The following AFF3 variants were observed in gnomAD, a reference collection of about 807,000 sequenced individuals.
AFF3 encodes AF4/FMR2 family member 3.
In AFF3, 32 loss-of-function variants were observed where a neutral mutation model predicts 129.7. The observed-to-expected ratio is 0.25, with a 90% CI of 0.19 to 0.33. The LOEUF is 0.33. AFF3 is among the 10% of genes least tolerant of loss of function. The probability of loss-of-function intolerance (pLI) is 1.00; values close to 1 mark genes in which losing one functional copy is unlikely to be tolerated. For missense variants in AFF3, 1,373 were observed against 1,592.0 expected, an observed-to-expected ratio of 0.86 and a Z score of 2.34; for synonymous variants, 644 against 635.4, an observed-to-expected ratio of 1.01 and a Z score of -0.20.
intron 7 of AFF3, among the ~76,000 whole-genome samples, chr2:99,943,116 T>A (rs1417383805): frequency 6.6e-6 from 1 of 152,166 alleles, no homozygotes; most frequent in Non-Finnish European, 1.5e-5. Context: ...GTTTGCCCAG[T>A]ACCACAGTTC....
intron 7 of AFF3, among the ~76,000 whole-genome samples, chr2:99,948,525 A>C (rs895543802): frequency 6.6e-6 from 1 of 152,216 alleles, no homozygotes; most frequent in Non-Finnish European, 1.5e-5. Context: ...GAGAAACTCA[A>C]AGGAGGAAGG....
At chr2:99,714,776 A>G (rs1242665365) in intron 11 of AFF3, among the ~76,000 whole-genome samples, 1 of 152,228 alleles carries the variant, frequency 6.6e-6, no homozygotes, top group East Asian at 1.9e-4. Context: ...TTATATGTTT[A>G]GCACACAATT....
intron 8 of AFF3, among the ~76,000 whole-genome samples, chr2:99,799,539 T>C (rs1685782908): frequency 6.6e-6 from 1 of 152,084 alleles, no homozygotes; most frequent in Admixed American, 6.5e-5. Flanking sequence ...AGATGCCAAT[T>C]CTTTCTAAAT....
intron 7 of AFF3, among the ~76,000 whole-genome samples, chr2:99,852,882 A>C (rs1186494351): frequency 6.6e-6 from 1 of 152,206 alleles, no homozygotes; most frequent in African/African-American, 2.4e-5. Flanking sequence ...AAATACAACA[A>C]CGTAAATTTC....
chr2:99,826,469 C>T (rs963652302), intron 8 of AFF3, among the ~76,000 whole-genome samples: 9 of 152,198 alleles, frequency 5.9e-5, no homozygotes, highest in African/African-American at 2.2e-4. Flanking sequence ...GAAGAGGAAC[C>T]TCTAACTCAG....
At chr2:99,830,858 G>C (rs980334076) in intron 8 of AFF3, among the ~76,000 whole-genome samples, 6 of 152,238 alleles carry the variant, frequency 3.9e-5, no homozygotes, top group African/African-American at 1.4e-4. Flanking sequence ...TTGTAGACTT[G>C]AAGATTTGTA....
chr2:99,716,521 C>T (rs1678400688), intron 11 of AFF3, among the ~76,000 whole-genome samples: 1 of 151,708 alleles, frequency 6.6e-6, no homozygotes, highest in Admixed American at 6.6e-5. Context: ...AGAGTTGTAC[C>T]TTGTTAAGGT....
chr2:99,911,474 G>A (rs970833974), intron 7 of AFF3, among the ~76,000 whole-genome samples: 2 of 152,116 alleles, frequency 1.3e-5, no homozygotes, highest in African/African-American at 4.8e-5. Context: ...TGCTGTCGCA[G>A]GTTCTGACCC....
rs1432137309 is a variant in AFF3 at position 100,006,938 on chromosome 2, C to T, written c.567G>A (p.Val189=). 1.4e-5 allele frequency: 22 copies of T among 1,614,214 alleles called. No individual in the cohort carries two copies. Among genetic ancestry groups the T allele is most frequent in the Non-Finnish European group, 1.9e-5 (22 of 1,180,050 alleles). ...TCTCCTGGGTCTGAAGGCCCACCTC[C>T]ACATTGCACACTTGTTTGGCCCGAG... ...QQPRAKQVCN[V]EVGLQTQERP... is the part of the protein sequence containing the mutation. Residue 189 remains valine, a synonymous_variant, in exon 7 of 25, where the codon GTG becomes GTA. Transcript: ENST00000672756.
In AFF3 at chr2:100,007,262, T is replaced by G. The variant is rs140526847; in HGVS notation, c.373A>C (p.Ile125Leu). ...DSRAQNQPSS[I>L]CSTTTSTPAA... ...GGTGTGGAAGTTGTAGTGCTACAGA[T>G]AGACGAGGGCTGGTTCTGGGCTCTT... Residue 125 changes from isoleucine to leucine, a missense_variant, in exon 6 of 25, where the codon ATC (isoleucine) becomes CTC (leucine). Transcript: ENST00000672756. 1.9e-6 allele frequency: 3 copies of G among 1,613,984 alleles called. No individual in the cohort carries two copies. Among genetic ancestry groups the G allele is most frequent in the Non-Finnish European group, 2.5e-6 (3 of 1,180,026 alleles).
At chr2:100,064,344 G>C (rs1220107654) in intron 4 of AFF3, among the ~76,000 whole-genome samples, 2 of 152,140 alleles carry the variant, frequency 1.3e-5, no homozygotes, top group East Asian at 3.9e-4. Context: ...CGGGTGGGGA[G>C]AGTATCAATA....
At chr2:99,966,827 A>C (rs1677830446) in intron 7 of AFF3, among the ~76,000 whole-genome samples, 1 of 151,924 alleles carries the variant, frequency 6.6e-6, no homozygotes, top group South Asian at 2.1e-4. Context: ...TGAGGAAAAT[A>C]ATTGATTCTG....
chr2:99,593,931 G>A lies in AFF3; in HGVS notation c.1730C>T (p.Ala577Val). The A allele has an allele frequency of 7.1e-7, 1 of 1,403,112 alleles. No homozygotes were observed. The highest frequency in any genetic ancestry group is 2.8e-5 in the East Asian group (1 of 35,624). 86.9% of individuals were successfully genotyped at this position (1,403,112 alleles called of 1,614,324 possible). A position where few individuals can be genotyped will look rare whatever the true frequency, so the allele number is the denominator to read the frequency against. ...VPCAPAENAPAPARRSAGKKP... is the reference protein window; with the variant it reads ...VPCAPAENAPVPARRSAGKKP... ...CTTGCCCGCGGACCTCCGGGCAGGC[G>A]CGGGCGCGTTCTCCGCGGGCGCACA... Residue 577 changes from alanine (A) to valine (V), a missense_variant, in exon 15 of 25, where the codon GCG becomes GTG. By Grantham distance (64) the Ala-to-Val change is moderately conservative. This residue lies in a region of AFF3 where 3 missense variants were observed against 16.6 expected (regional missense o/e 0.18). Transcript: ENST00000672756.
At chr2:99,719,888 T>G (rs1050228118) in intron 11 of AFF3, among the ~76,000 whole-genome samples, 1 of 152,034 alleles carries the variant, frequency 6.6e-6, no homozygotes, top group Non-Finnish European at 1.5e-5. Context: ...ATACAAAAAA[T>G]TAGCCGGGCA....
intron 7 of AFF3, among the ~76,000 whole-genome samples, chr2:99,848,229 A>G (rs13416974): frequency 0.8 from 120,886 of 151,660 alleles, 48,750 homozygotes; most frequent in South Asian, 0.93. Flanking sequence ...CAGCCTGAGC[A>G]ACAGAGCCAG....
intron 13 of AFF3, among the ~76,000 whole-genome samples, chr2:99,604,055 A>C (rs951837388): frequency 2.0e-5 from 3 of 152,228 alleles, no homozygotes; most frequent in African/African-American, 4.8e-5. Flanking sequence ...ATTGTGGAAG[A>C]CAGTGTGGCG....
At chr2:100,072,442 G>A (rs570676499) in intron 4 of AFF3, among the ~76,000 whole-genome samples, 1 of 152,276 alleles carries the variant, frequency 6.6e-6, no homozygotes, top group South Asian at 2.1e-4. Flanking sequence ...CAAAAAGGTT[G>A]GGGATTACTG....
chr2:99,781,156 G>C (rs1431652118), intron 8 of AFF3, among the ~76,000 whole-genome samples: 1 of 152,060 alleles, frequency 6.6e-6, no homozygotes, highest in African/African-American at 2.4e-5. Context: ...CAGGACCTTT[G>C]CACCTACTGT....
intron 7 of AFF3, among the ~76,000 whole-genome samples, chr2:99,947,583 G>GA (rs1261947524): frequency 5.3e-5 from 7 of 131,550 alleles, no homozygotes; most frequent in South Asian, 5.3e-4. Context: ...GAAAAGAAAA[G>GA]AAAGAAAGAA....
Sources: allele counts gnomAD v4.1 joint callset (sites outside exome capture counted in the v4.1 genomes callset), GRCh38; gene constraint gnomAD v4.1.1; regional missense constraint gnomAD v4.1.1; transcripts MANE v1.5; gene names NCBI Gene and HGNC (gene_info 2026-07-23, HGNC 2026-07-21).